VIPR1: variants seen among roughly 807,000 people sequenced by gnomAD.
VIPR1 encodes vasoactive intestinal peptide receptor 1.
A neutral mutation model predicts 58.8 loss-of-function variants in VIPR1; 59 were observed. The ratio of observed to expected loss-of-function variants is 1.00; its 90% CI spans 0.81 to 1.25. The LOEUF is 1.25. Among genes scored for constraint, VIPR1 ranks in the 50% most tolerant of loss-of-function variants. VIPR1 has a pLI of 0.00. For synonymous variants in VIPR1, 251 were observed against 242.1 expected, an observed-to-expected ratio of 1.04 and a Z score of -0.34; for missense variants, 626 against 602.7, an observed-to-expected ratio of 1.04 and a Z score of -0.40.
intron 6 of VIPR1, chr3:42,530,401 G>A: frequency 4.6e-6 from 1 of 218,630 alleles, no homozygotes; most frequent in Non-Finnish European, 9.4e-6. Context: ...ATAGATGATG[G>A]ATGGACACAT....
Position 42,532,237 on chromosome 3 carries a change from A to G in VIPR1, c.919-5A>G, listed in dbSNP as rs778267042. 8 of 1,614,156 alleles carry G rather than the reference A, an allele frequency of 5.0e-6. No individual in the cohort carries two copies. The highest frequency in any genetic ancestry group is 6.8e-6 in the Non-Finnish European group (8 of 1,179,998). ...ACTGCCCGAACTCGGGTCCCCACCCACTAGGTAAACTTCATCCTGTTTATT... is the reference window on the plus strand; with the variant it reads ...ACTGCCCGAACTCGGGTCCCCACCCGCTAGGTAAACTTCATCCTGTTTATT... On this transcript the variant is annotated splice_polypyrimidine_tract_variant and splice_region_variant and intron_variant, in intron 9 of 12. Transcript: ENST00000325123.
chr3:42,513,966 G>A lies in VIPR1; in HGVS notation c.184+112G>A, dbSNP rs796712880. 2.1e-4 allele frequency: 261 copies of A among 1,236,452 alleles called. 2 individuals carry two copies. The South Asian group carries it at 2.1e-3, about 10-fold the overall frequency. 76.6% of individuals were successfully genotyped at this position (1,236,452 alleles called of 1,614,324 possible). A position where few individuals can be genotyped will look rare whatever the true frequency, so the allele number is the denominator to read the frequency against. Reference sequence around the variant, plus strand: ...CGTTCCACATTTATTGGATGATGGTGAGGAGCGGCTGGGGAGCCAGATGGA... The same window carrying A: ...CGTTCCACATTTATTGGATGATGGTAAGGAGCGGCTGGGGAGCCAGATGGA... On this transcript the variant is annotated intron_variant, in intron 2 of 12. Transcript: ENST00000325123.
At chr3:42,498,029 A>G (rs1699799916), upstream of VIPR1, among the ~76,000 whole-genome samples, 1 of 152,176 alleles carries the variant, frequency 6.6e-6, no homozygotes, top group South Asian at 2.1e-4. Flanking sequence ...CTCTGCCCAG[A>G]GCAGGAGCTC....
intron 1 of VIPR1, among the ~76,000 whole-genome samples, chr3:42,505,712 G>T (rs1700091489): frequency 6.6e-6 from 1 of 152,226 alleles, no homozygotes; most frequent in African/African-American, 2.4e-5. Context: ...TCCTTGGGGA[G>T]CCCAGGCTGG....
At chr3:42,514,541 C>CCACACACGCA (rs1553636989) in intron 2 of VIPR1, among the ~76,000 whole-genome samples, 34 of 144,080 alleles carry the variant, frequency 2.4e-4, no homozygotes, top group Admixed American at 2.4e-3. Context: ...GATAGTGACA[C>CCACACACGCA]CACACACACA....
At chr3:42,492,697 A>T (rs1333580985) in intron 1 of VIPR1, among the ~76,000 whole-genome samples, 1 of 152,190 alleles carries the variant, frequency 6.6e-6, no homozygotes, top group Non-Finnish European at 1.5e-5. Context: ...ATTTGTTTTC[A>T]AGTGCCAAGC....
intron 5 of VIPR1, 35 bp from the exon 6 acceptor site, chr3:42,527,956 C>T: frequency 6.2e-7 from 1 of 1,607,308 alleles, no homozygotes; most frequent in Non-Finnish European, 8.5e-7. Flanking sequence ...GATCCAAGGC[C>T]CCTTTGGCCT....
intron 10 of VIPR1, chr3:42,532,643 C>A (rs1701632820): frequency 4.2e-6 from 2 of 474,004 alleles, no homozygotes; most frequent in Admixed American, 3.3e-5. Context: ...CTTGTTCATA[C>A]CATGTGCCCA....
rs568944319 is a variant in VIPR1, at chr3:42,532,037, G to A, written c.918+168G>A. On this transcript the variant is annotated intron_variant, in intron 9 of 12. Coordinates refer to ENST00000325123, the MANE Select transcript of VIPR1 (RefSeq NM_004624.4). ...CTGTCCTACCAGTTCTTCCTTGAGC[G>A]TAAGCGGATTGGGAGCACAGTCCTT... 103 of 934,054 alleles carry A rather than the reference G, an allele frequency of 1.1e-4. 1 individual carries two copies. The Middle Eastern group carries it at 2.5e-3, about 23-fold the overall frequency. 57.9% of individuals were successfully genotyped at this position (934,054 alleles called of 1,614,324 possible). A position where few individuals can be genotyped will look rare whatever the true frequency, so the allele number is the denominator to read the frequency against.
intron 1 of VIPR1, among the ~76,000 whole-genome samples, chr3:42,496,922 TTC>T (rs1188185677): frequency 6.6e-6 from 1 of 150,922 alleles, no homozygotes; most frequent in Non-Finnish European, 1.5e-5. Flanking sequence ...AGTTTCATTT[TTC>T]TTTTTTCTGG....
exon 1 of VIPR1, chr3:42,489,503 GGAGC>G (rs1699629197): frequency 6.6e-6 from 1 of 152,318 alleles, no homozygotes; most frequent in African/African-American, 2.4e-5. Flanking sequence ...CAAGAGTAAA[GGAGC>G]TGTGGCTTCC....
At chr3:42,525,024 T>C (rs750643827) in intron 3 of VIPR1, among the ~76,000 whole-genome samples, 1 of 152,184 alleles carries the variant, frequency 6.6e-6, no homozygotes, top group Non-Finnish European at 1.5e-5. Context: ...CTGCTGATGC[T>C]GCTCATGGTG....
intron 3 of VIPR1, among the ~76,000 whole-genome samples, chr3:42,524,151 G>A (rs1319791686): frequency 1.3e-5 from 2 of 152,162 alleles, no homozygotes; most frequent in African/African-American, 4.8e-5. Context: ...GCCTTGTAGG[G>A]GGAAGTCCTC....
chr3:42,527,577 C>A (rs2276831), intron 5 of VIPR1, 81 bp downstream of exon 5: 409,358 of 1,387,066 alleles, frequency 0.3, 61,277 homozygotes, highest in Middle Eastern at 0.41. Flanking sequence ...GTGGCCCAGG[C>A]GTGCCCCGAC....
intron 1 of VIPR1, among the ~76,000 whole-genome samples, chr3:42,511,445 T>C (rs551874699): frequency 1.3e-5 from 2 of 152,284 alleles, no homozygotes; most frequent in Non-Finnish European, 2.9e-5. Flanking sequence ...CTTGGTCACA[T>C]GTCAATCCCC....
At chr3:42,498,548 G>C (rs186984736), upstream of VIPR1, among the ~76,000 whole-genome samples, 11 of 152,172 alleles carry the variant, frequency 7.2e-5, no homozygotes, top group East Asian at 1.4e-3. Flanking sequence ...ACCCTTCCCC[G>C]CAACAGAGCT....
chr3:42,523,785 C>A (rs990498353), intron 3 of VIPR1, among the ~76,000 whole-genome samples: 6 of 152,168 alleles, frequency 3.9e-5, no homozygotes, highest in Non-Finnish European at 7.4e-5. Flanking sequence ...CTCCAGTGTC[C>A]CAGCTTCAAG....
At position 42,531,549 on chromosome 3, in the gene VIPR1, A is replaced by G; in HGVS notation, c.851+18A>G. 6.3e-7 allele frequency: 1 copy of G among 1,591,608 alleles called. No individual in the cohort carries two copies. ...GATTATGGGTGAGCTGCTGCCCCAC[A>G]CACTCCCCCGGCCGCCATCACTTGG... On this transcript the variant is annotated intron_variant, in intron 8 of 12. Coordinates refer to ENST00000325123, the MANE Select transcript of VIPR1 (RefSeq NM_004624.4).
intron 1 of VIPR1, among the ~76,000 whole-genome samples, chr3:42,505,050 C>T (rs1273115686): frequency 6.6e-6 from 1 of 152,250 alleles, no homozygotes; most frequent in Non-Finnish European, 1.5e-5. Context: ...CAGAGCTGCT[C>T]AGGGCAATGC....
Sources: gnomAD v4.1 joint callset for allele counts (sites outside exome capture counted in the v4.1 genomes callset) on GRCh38, gnomAD v4.1.1 for gene constraint, MANE v1.5 for transcripts, NCBI Gene and HGNC (gene_info 2026-07-23, HGNC 2026-07-21) for gene names.